The following PPP1R12A variants were observed in gnomAD, a reference collection of about 807,000 sequenced individuals.
PPP1R12A encodes the protein myosin binding subunit.
PPP1R12A carries 19 observed loss-of-function variants against 139.6 expected under a neutral mutation model. The ratio of observed to expected loss-of-function variants is 0.14; its 90% CI spans 0.09 to 0.20. PPP1R12A has a LOEUF of 0.20. PPP1R12A is among the 10% of genes least tolerant of loss of function. The pLI, the probability that PPP1R12A is intolerant of heterozygous loss-of-function variation, is 1.00. For missense variants in PPP1R12A, 925 were observed against 1,211.5 expected (o/e 0.76, Z 3.51); for synonymous variants, 427 against 420.6 (o/e 1.02, Z -0.19).
intron 1 of PPP1R12A, among the ~76,000 whole-genome samples, chr12:79,902,796 T>A (rs920328958): frequency 3.3e-5 from 5 of 152,136 alleles, no homozygotes; most frequent in Admixed American, 6.5e-5. Context: ...CCAAAAATTT[T>A]TGAGCACCAA....
In PPP1R12A at chr12:79,934,897, T is replaced by G; in HGVS notation, c.35A>C (p.Glu12Ala). ...KMADAKQKRN[E>A]QLKRWIGSET... Reference sequence around the variant, plus strand: ...GGAGCCGATCCAGCGTTTCAGCTGCTCGTTCCGCTTCTGCTTCGCGTCCGC... The same window carrying G: ...GGAGCCGATCCAGCGTTTCAGCTGCGCGTTCCGCTTCTGCTTCGCGTCCGC... Residue 12 changes from glutamate (E) to alanine (A), a missense_variant, in exon 1 of 25, where the codon GAG (glutamate) becomes GCG (alanine). By Grantham distance (107) the Glu-to-Ala change is moderately radical. Transcript: ENST00000450142. The G allele has an allele frequency of 6.2e-7, 1 of 1,606,638 alleles. No homozygotes were observed. Among genetic ancestry groups the G allele is most frequent in the Non-Finnish European group, 8.5e-7 (1 of 1,176,522 alleles).
chr12:79,934,937 C>T lies in PPP1R12A; in HGVS notation c.-6G>A, dbSNP rs781463688. The T allele has an allele frequency of 6.3e-7, 1 of 1,580,474 alleles. No individual in the cohort carries two copies. Among genetic ancestry groups the T allele is most frequent in the South Asian group, 1.2e-5 (1 of 86,634 alleles). Reference sequence around the variant, plus strand: ...TTCGCGTCCGCCATCTTCATCCCCTCTCCTGCCGCCGGGTCTTCTTATCGC... The same window carrying T: ...TTCGCGTCCGCCATCTTCATCCCCTTTCCTGCCGCCGGGTCTTCTTATCGC... On this transcript the variant is annotated 5_prime_UTR_variant, in exon 1 of 25. Transcript: ENST00000450142.
chr12:79,843,962 CA>C (rs1037026872), intron 3 of PPP1R12A, among the ~76,000 whole-genome samples: 1 of 152,022 alleles, frequency 6.6e-6, no homozygotes, highest in African/African-American at 2.4e-5. Context: ...CTTGGCCTCC[CA>C]AAGTGCTGGG....
rs138903039 is a variant in PPP1R12A at position 79,784,858 on chromosome 12, C to T, written c.2907+1516G>A. On this transcript the variant is annotated intron_variant, in intron 22 of 24. Coordinates refer to ENST00000450142, the MANE Select transcript of PPP1R12A (RefSeq NM_002480.3). ...TTCACTATGTTGGCCAGGCTGGTCT[C>T]GAGCTCGTGACCTCAGGTGATCCGC... Among the ~76,000 whole-genome samples, 37 of 152,176 alleles carry T rather than the reference C, an allele frequency of 2.4e-4. No homozygotes were observed. In the East Asian group the frequency reaches 5.2e-3, roughly 22 times the overall value.
At chr12:79,902,019 A>G (rs577386962) in intron 1 of PPP1R12A, among the ~76,000 whole-genome samples, 1 of 152,318 alleles carries the variant, frequency 6.6e-6, no homozygotes, top group East Asian at 1.9e-4. Context: ...TAAGGGTCTG[A>G]AGGGAAGTGT....
At chr12:79,782,526 A>C in intron 22 of PPP1R12A, 1 of 452,600 alleles carries the variant, frequency 2.2e-6, no homozygotes. Flanking sequence ...CTGATATATA[A>C]GCTTGGCTTT....
rs575110846 is a variant in PPP1R12A, at chr12:79,851,853, A to G, written c.369-6433T>C. 8.5e-5 allele frequency among the ~76,000 whole-genome samples: 13 copies of G among 152,188 alleles called. No homozygotes were observed. In the East Asian group the frequency reaches 2.5e-3, roughly 29 times the overall value. On this transcript the variant is annotated intron_variant, in intron 2 of 24. Coordinates refer to ENST00000450142, the MANE Select transcript of PPP1R12A (RefSeq NM_002480.3). ...CTGCTGTTCAGATTTGGCAATTTGT[A>G]TTGTTCTATCAGTTTACTGAGTCAT...
chr12:79,855,018 T>C (rs772504879), intron 2 of PPP1R12A, among the ~76,000 whole-genome samples: 3 of 152,080 alleles, frequency 2.0e-5, no homozygotes, highest in Non-Finnish European at 4.4e-5. Flanking sequence ...AGATGGACCC[T>C]TGCTCTGTCG....
chr12:79,902,115 C>G (rs1885701704), intron 1 of PPP1R12A, among the ~76,000 whole-genome samples: 1 of 152,134 alleles, frequency 6.6e-6, no homozygotes, highest in Non-Finnish European at 1.5e-5. Context: ...ATCTTATTCC[C>G]TAACAGCTTG....
At chr12:79,785,451 G>T (rs1870993951) in intron 22 of PPP1R12A, among the ~76,000 whole-genome samples, 1 of 151,962 alleles carries the variant, frequency 6.6e-6, no homozygotes, top group South Asian at 2.1e-4. Flanking sequence ...TGTTTTTTTA[G>T]AATTAATTTT....
chr12:79,785,802 C>T (rs1206656262), intron 22 of PPP1R12A, among the ~76,000 whole-genome samples: 1 of 151,964 alleles, frequency 6.6e-6, no homozygotes, highest in Non-Finnish European at 1.5e-5. Flanking sequence ...TCCTGTCTCC[C>T]AGAACTAATG....
intron 1 of PPP1R12A, among the ~76,000 whole-genome samples, chr12:79,887,649 G>A (rs1156594571): frequency 2.6e-5 from 4 of 152,196 alleles, no homozygotes; most frequent in East Asian, 3.9e-4. Context: ...GAATTCTATC[G>A]TTTATCAGAT....
chr12:79,928,257 C>A (rs1229451391), intron 1 of PPP1R12A, among the ~76,000 whole-genome samples: 3 of 152,160 alleles, frequency 2.0e-5, no homozygotes, highest in Non-Finnish European at 2.9e-5. Flanking sequence ...GAAAGATGGT[C>A]TTGGTTATGA....
intron 1 of PPP1R12A, among the ~76,000 whole-genome samples, chr12:79,910,663 T>C (rs565563053): frequency 2.0e-5 from 3 of 152,318 alleles, no homozygotes; most frequent in Non-Finnish European, 4.4e-5. Context: ...CGAACATGCA[T>C]GTATATATGT....
At chr12:79,808,335 T>C (rs770783041) in intron 11 of PPP1R12A, 148 bp downstream of exon 11, 19 of 571,902 alleles carry the variant, frequency 3.3e-5, no homozygotes, top group Non-Finnish European at 5.2e-5. Flanking sequence ...CTCAGGACTA[T>C]GTACCTGGTA....
chr12:79,930,510 C>A (rs1011642038), intron 1 of PPP1R12A, among the ~76,000 whole-genome samples: 1 of 152,090 alleles, frequency 6.6e-6, no homozygotes, highest in African/African-American at 2.4e-5. Context: ...CGGTGGCTCA[C>A]GCCTGTAATC....
At chr12:79,911,446 G>C (rs1224772481) in intron 1 of PPP1R12A, among the ~76,000 whole-genome samples, 1 of 152,134 alleles carries the variant, frequency 6.6e-6, no homozygotes, top group Non-Finnish European at 1.5e-5. Flanking sequence ...GCCTACCTGA[G>C]GGTGGAGGGT....
chr12:79,839,302 A>G (rs1212525873), intron 3 of PPP1R12A, among the ~76,000 whole-genome samples: 2 of 152,118 alleles, frequency 1.3e-5, no homozygotes, highest in African/African-American at 2.4e-5. Flanking sequence ...CTTGCTTTCA[A>G]TTTTACAGGC....
intron 1 of PPP1R12A, among the ~76,000 whole-genome samples, chr12:79,928,319 C>A (rs536443744): frequency 2.6e-5 from 4 of 152,304 alleles, no homozygotes; most frequent in Admixed American, 1.3e-4. Flanking sequence ...GAGGCAGCAA[C>A]TACAGAAAAA....
Sources: allele counts gnomAD v4.1 joint callset (sites outside exome capture counted in the v4.1 genomes callset), GRCh38; gene constraint gnomAD v4.1.1; transcripts MANE v1.5; gene names NCBI Gene and HGNC (gene_info 2026-07-23, HGNC 2026-07-21).